Variants in DSCAM observed in about 807,000 individuals in gnomAD.
DSCAM encodes the protein DS cell adhesion molecule.
DSCAM carries 47 observed loss-of-function variants against 217.7 expected under a neutral mutation model. The ratio of observed to expected loss-of-function variants is 0.22; its 90% confidence interval spans 0.17 to 0.28. DSCAM has a LOEUF of 0.28. Among genes scored for constraint, DSCAM ranks in the 10% least tolerant of loss-of-function variants. The pLI, the probability that DSCAM is intolerant of heterozygous loss-of-function variation, is 1.00. For synonymous variants in DSCAM, 1,056 were observed against 1,015.3 expected, an observed-to-expected ratio of 1.04 and a Z score of -0.76; for missense variants, 2,080 against 2,618.3, an observed-to-expected ratio of 0.79 and a Z score of 4.49.
chr21:40,480,974 A>G (rs2075977231), intron 3 of DSCAM, among the ~76,000 whole-genome samples: 1 of 152,234 alleles, frequency 6.6e-6, no homozygotes, highest in African/African-American at 2.4e-5. Flanking sequence ...CTTTTAGGCC[A>G]TGCTTTTGCC....
At chr21:40,206,508 A>T (rs939673005) in intron 11 of DSCAM, among the ~76,000 whole-genome samples, 1 of 152,162 alleles carries the variant, frequency 6.6e-6, no homozygotes, top group Non-Finnish European at 1.5e-5. Flanking sequence ...AGGAGGGCAC[A>T]CATTGAGACC....
chr21:40,272,072 G>A (rs568702831), intron 11 of DSCAM, among the ~76,000 whole-genome samples: 23 of 147,632 alleles, frequency 1.6e-4, no homozygotes, highest in African/African-American at 4.7e-4. Flanking sequence ...GATTGACAGA[G>A]CTATTTTTTT....
chr21:40,828,627 C>G (rs75556367), intron 1 of DSCAM, among the ~76,000 whole-genome samples: 3 of 151,272 alleles, frequency 2.0e-5, no homozygotes, highest in Non-Finnish European at 4.4e-5. Flanking sequence ...CAATCACATC[C>G]TCCCTCAGGA....
Position 40,624,753 on chromosome 21 carries a change from T to C in DSCAM, c.508+68057A>G, listed in dbSNP as rs567373331. On this transcript the variant is annotated intron_variant, in intron 3 of 32. Transcript: ENST00000400454. ...GATTAGGAAAGAAGAAACCTTTGTG[T>C]GCATACACATCCAAAAGCACATCCA... Among the ~76,000 whole-genome samples, 605 of 151,838 alleles carry C rather than the reference T, an allele frequency of 4.0e-3. 5 individuals are homozygous for C. The highest frequency in any genetic ancestry group is 0.013 in the African/African-American group (554 of 41,458).
At position 40,012,937 on chromosome 21, in the gene DSCAM, T is replaced by G. The variant is rs2088085022; in HGVS notation, c.*97A>C. The G allele has an allele frequency of 3.1e-6, 3 of 964,172 alleles. No homozygotes were observed. The East Asian group carries it at 9.7e-5, about 31-fold the overall frequency. The allele number at this position is 964,172 out of a possible 1,614,324, so 59.7% of individuals were successfully genotyped here. ...TTTTTTTTAATATATTTTGGCAATT[T>G]TCTTTAATTATAAATATTGGAATTC... On this transcript the variant is annotated 3_prime_UTR_variant, in exon 33 of 33. Coordinates refer to ENST00000400454, the MANE Select transcript of DSCAM (RefSeq NM_001389.5).
intron 1 of DSCAM, among the ~76,000 whole-genome samples, chr21:40,753,966 C>A (rs1187295697): frequency 6.6e-6 from 1 of 152,172 alleles, no homozygotes; most frequent in African/African-American, 2.4e-5. Context: ...CAGTTTTCAT[C>A]TACAAATTGA....
chr21:40,191,268 A>G (rs1351390161), intron 11 of DSCAM, among the ~76,000 whole-genome samples: 1 of 152,222 alleles, frequency 6.6e-6, no homozygotes, highest in Non-Finnish European at 1.5e-5. Context: ...GAGTTTCTCT[A>G]GAGTCAGCAG....
chr21:40,794,183 C>G (rs1413216820), intron 1 of DSCAM, among the ~76,000 whole-genome samples: 1 of 152,048 alleles, frequency 6.6e-6, no homozygotes, highest in Non-Finnish European at 1.5e-5. Context: ...GCACACTCTT[C>G]GTCTATCAAA....
At chr21:40,266,489 C>T (rs572889967) in intron 11 of DSCAM, among the ~76,000 whole-genome samples, 17 of 151,540 alleles carry the variant, frequency 1.1e-4, no homozygotes, top group Admixed American at 5.3e-4. Context: ...ATCCAGCAAT[C>T]GCACTACTGG....
intron 1 of DSCAM, among the ~76,000 whole-genome samples, chr21:40,771,242 G>C (rs781400687): frequency 1.3e-5 from 2 of 152,186 alleles, no homozygotes; most frequent in African/African-American, 4.8e-5. Flanking sequence ...CATTTTACCA[G>C]GTATTTTCAT....
At chr21:40,108,950 C>T (rs1000829063) in intron 20 of DSCAM, among the ~76,000 whole-genome samples, 1 of 152,184 alleles carries the variant, frequency 6.6e-6, no homozygotes, top group South Asian at 2.1e-4. Context: ...TAGCCATATG[C>T]AGAAGATTGA....
At chr21:40,076,259 G>C (rs774800243) in intron 26 of DSCAM, among the ~76,000 whole-genome samples, 3 of 152,008 alleles carry the variant, frequency 2.0e-5, no homozygotes, top group African/African-American at 4.8e-5. Flanking sequence ...AGAAATTCAG[G>C]AAAGAGGCAC....
rs2146482864 is a variant in DSCAM at position 40,708,637 on chromosome 21, G to A, written c.178C>T (p.Leu60=). ...TCGTAGATCTCCTCGCCCGTGGCTA[G>A]GTACCATCTGAGAGTCACAGGAGGG... ...GIPPVTLRWY[L]ATGEEIYDVP... The change falls in exon 2 of 33, where the codon CTA becomes TTA. Residue 60 remains leucine (L), a synonymous_variant. Transcript: ENST00000400454. 1 of 1,613,308 alleles carries A rather than the reference G, an allele frequency of 6.2e-7. No individual in the cohort carries two copies. The highest frequency in any genetic ancestry group is 1.3e-5 in the African/African-American group (1 of 75,044).
chr21:40,319,722 G>A (rs953820850), intron 8 of DSCAM, among the ~76,000 whole-genome samples: 1 of 152,112 alleles, frequency 6.6e-6, no homozygotes. Flanking sequence ...TCTCCACACA[G>A]CCTTGCCAAC....
intron 1 of DSCAM, among the ~76,000 whole-genome samples, chr21:40,827,055 G>A (rs1444435860): frequency 6.6e-6 from 1 of 152,056 alleles, no homozygotes; most frequent in African/African-American, 2.4e-5. Flanking sequence ...CCCTGGAGTG[G>A]GCTGCAACAT....
At chr21:40,303,732 T>C (rs911413949) in intron 9 of DSCAM, among the ~76,000 whole-genome samples, 3 of 152,178 alleles carry the variant, frequency 2.0e-5, no homozygotes, top group Admixed American at 6.5e-5. Flanking sequence ...TATCAAAAAT[T>C]GGATCAACAG....
chr21:40,491,446 G>A (rs779156622), intron 3 of DSCAM, among the ~76,000 whole-genome samples: 27 of 151,704 alleles, frequency 1.8e-4, no homozygotes, highest in African/African-American at 5.1e-4. Flanking sequence ...AGTGTTGCAC[G>A]CCACCCCCAC....
In DSCAM at chr21:40,375,510, C is replaced by T. The variant is rs73905451; in HGVS notation, c.509-6265G>A. Among the ~76,000 whole-genome samples, 1,451 of 152,324 alleles carry T rather than the reference C, an allele frequency of 9.5e-3. 17 individuals are homozygous for T. Among genetic ancestry groups the T allele is most frequent in the African/African-American group, 0.033 (1,386 of 41,546 alleles). ...CTCTCCCTGGATGGGTCCTTCTTGT[C>T]ATCCTGGCCTCAGTTTTTAAGTCAA... On this transcript the variant is annotated intron_variant, in intron 3 of 32. Coordinates refer to ENST00000400454, the MANE Select transcript of DSCAM (RefSeq NM_001389.5).
At chr21:40,424,219 T>G (rs1033029564) in intron 3 of DSCAM, among the ~76,000 whole-genome samples, 1 of 152,160 alleles carries the variant, frequency 6.6e-6, no homozygotes, top group Non-Finnish European at 1.5e-5. Context: ...CCCCCCAAAA[T>G]TCATGGCAGA....
Sources: gnomAD v4.1 joint callset for allele counts (sites outside exome capture counted in the v4.1 genomes callset) on GRCh38, gnomAD v4.1.1 for gene constraint, MANE v1.5 for transcripts, NCBI Gene and HGNC (gene_info 2026-07-23, HGNC 2026-07-21) for gene names.